The following CLASP1 variants were observed in gnomAD, a reference collection of about 807,000 sequenced individuals.
The protein encoded by CLASP1 is CLIP-associating protein 1.
CLASP1 carries 38 observed loss-of-function variants against 192.3 expected under a neutral mutation model. The ratio of observed to expected loss-of-function variants is 0.20; its 90% CI spans 0.15 to 0.26. The LOEUF (loss-of-function observed/expected upper bound fraction) is 0.26. Among genes scored for constraint, CLASP1 ranks in the 10% least tolerant of loss-of-function variants. The pLI, the probability that CLASP1 is intolerant of heterozygous loss-of-function variation, is 1.00. For missense variants in CLASP1, 1,433 were observed against 1,932.5 expected (o/e 0.74, Z 4.85); for synonymous variants, 691 against 712.8 (o/e 0.97, Z 0.49).
chr2:121,379,439 G>A (rs192989788), intron 33 of CLASP1, among the ~76,000 whole-genome samples: 26 of 152,318 alleles, frequency 1.7e-4, no homozygotes, highest in African/African-American at 5.5e-4. Context: ...CAAGGGGCCA[G>A]AGGCTCCCCC....
At chr2:121,626,154 C>T (rs981240024) in intron 1 of CLASP1, among the ~76,000 whole-genome samples, 7 of 150,242 alleles carry the variant, frequency 4.7e-5, no homozygotes, top group African/African-American at 1.7e-4. Flanking sequence ...TACAGTATGA[C>T]AGCTGACATG....
At chr2:121,461,231 T>C in intron 10 of CLASP1, 38 bp from the exon 11 acceptor site, 2 of 1,136,762 alleles carry the variant, frequency 1.8e-6, no homozygotes, top group Non-Finnish European at 2.6e-6. Context: ...TATAAAAACA[T>C]GCAGAATAAA....
At chr2:121,592,127 T>C (rs975853285) in intron 2 of CLASP1, among the ~76,000 whole-genome samples, 1 of 152,204 alleles carries the variant, frequency 6.6e-6, no homozygotes, top group Non-Finnish European at 1.5e-5. Flanking sequence ...AGCTGGTGAG[T>C]TCTGTCTATA....
chr2:121,386,576 G>A (rs1461828316), intron 32 of CLASP1, among the ~76,000 whole-genome samples: 1 of 152,114 alleles, frequency 6.6e-6, no homozygotes, highest in Admixed American at 6.6e-5. Context: ...GCTTCTATAG[G>A]GCCAATATTT....
intron 6 of CLASP1, among the ~76,000 whole-genome samples, chr2:121,525,290 C>T (rs191907799): frequency 6.6e-6 from 1 of 152,236 alleles, no homozygotes; most frequent in African/African-American, 2.4e-5. Context: ...CAGCCAGCTC[C>T]TCTCCTACCC....
chr2:121,492,077 T>G (rs922376819), intron 8 of CLASP1, among the ~76,000 whole-genome samples: 1 of 152,142 alleles, frequency 6.6e-6, no homozygotes, highest in African/African-American at 2.4e-5. Context: ...TCAGCAAAAT[T>G]TAAAACCTTT....
intron 19 of CLASP1, among the ~76,000 whole-genome samples, chr2:121,434,646 AT>A (rs2082003007): frequency 6.6e-6 from 1 of 152,152 alleles, no homozygotes; most frequent in African/African-American, 2.4e-5. Context: ...CCTTTTCTGT[AT>A]TTCAATTGAC....
intron 8 of CLASP1, among the ~76,000 whole-genome samples, chr2:121,501,375 C>G (rs1425252004): frequency 6.6e-6 from 1 of 152,182 alleles, no homozygotes; most frequent in East Asian, 1.9e-4. Flanking sequence ...ACGAGTGCAC[C>G]ACTCAGATGC....
In CLASP1 at chr2:121,413,252, C is replaced by T. The variant is rs536021515; in HGVS notation, c.2321-2283G>A. 6.6e-5 allele frequency among the ~76,000 whole-genome samples: 10 copies of T among 152,136 alleles called. No individual in the cohort carries two copies. In the South Asian group the frequency reaches 2.1e-3, roughly 32 times the overall value. ...TCCAAGCCTGGGCAACAGAGTAAGACCCTGTTTCAAAAACAAAAAACAAAA... is the reference window on the plus strand; with the variant it reads ...TCCAAGCCTGGGCAACAGAGTAAGATCCTGTTTCAAAAACAAAAAACAAAA... On this transcript the variant is annotated intron_variant, in intron 23 of 39. Coordinates refer to ENST00000263710, the Ensembl canonical transcript of CLASP1.
At chr2:121,349,006 C>T (rs557324858) in intron 37 of CLASP1, among the ~76,000 whole-genome samples, 8 of 152,038 alleles carry the variant, frequency 5.3e-5, no homozygotes, top group African/African-American at 1.7e-4. Flanking sequence ...TTTGGGAGGC[C>T]GAGGTGGGCG....
chr2:121,440,640 A>T (rs1238767537), intron 19 of CLASP1, among the ~76,000 whole-genome samples: 1 of 152,220 alleles, frequency 6.6e-6, no homozygotes, highest in Non-Finnish European at 1.5e-5. Flanking sequence ...GCAGTGAGCC[A>T]TGATCATGCC....
chr2:121,451,250 T>A (rs1234536764), intron 15 of CLASP1, among the ~76,000 whole-genome samples: 1 of 152,222 alleles, frequency 6.6e-6, no homozygotes, highest in Non-Finnish European at 1.5e-5. Context: ...CTTGTGGGAT[T>A]TTTTTTAAAA....
intron 14 of CLASP1, among the ~76,000 whole-genome samples, chr2:121,454,098 G>C (rs13403769): frequency 0.12 from 18,023 of 152,026 alleles, 1,562 homozygotes; most frequent in African/African-American, 0.24. Context: ...CTCATATTTA[G>C]TGCCAAAGGC....
intron 2 of CLASP1, chr2:121,530,566 T>C (rs965740687): frequency 3.7e-6 from 2 of 540,596 alleles, no homozygotes; most frequent in African/African-American, 1.9e-5. Flanking sequence ...CAATACAGCG[T>C]AGCCAAACCC....
chr2:121,449,851 A>G (rs113316585), intron 16 of CLASP1, among the ~76,000 whole-genome samples: 1 of 152,218 alleles, frequency 6.6e-6, no homozygotes, highest in Admixed American at 6.5e-5. Flanking sequence ...AATGCAGCTA[A>G]GTAAAACCGT....
At chr2:121,481,955 C>G (rs1280736049) in intron 8 of CLASP1, among the ~76,000 whole-genome samples, 1 of 152,096 alleles carries the variant, frequency 6.6e-6, no homozygotes, top group Admixed American at 6.6e-5. Flanking sequence ...TGAGGTTTTC[C>G]TAACAGCACA....
rs1369091856 is a variant in CLASP1 at position 121,363,155 on chromosome 2, C to G, written c.4206+17G>C. 3 of 1,613,742 alleles carry G rather than the reference C, an allele frequency of 1.9e-6. No homozygotes were observed. The highest frequency in any genetic ancestry group is 2.5e-6 in the Non-Finnish European group (3 of 1,179,838). On this transcript the variant is annotated intron_variant, in intron 37 of 39. Coordinates refer to ENST00000263710, the Ensembl canonical transcript of CLASP1. Reference sequence around the variant, plus strand: ...TGACCCGTCTGTTCAGCACCCCTGGCCACATGACTGACTCACCTCCTTATG... The same window carrying G: ...TGACCCGTCTGTTCAGCACCCCTGGGCACATGACTGACTCACCTCCTTATG...
At chr2:121,609,128 G>C (rs1223034924) in intron 1 of CLASP1, among the ~76,000 whole-genome samples, 1 of 152,112 alleles carries the variant, frequency 6.6e-6, no homozygotes, top group East Asian at 1.9e-4. Context: ...TGACTCAAGA[G>C]GTCAGATTTC....
At chr2:121,452,772 C>A (rs1342685767) in intron 14 of CLASP1, among the ~76,000 whole-genome samples, 1 of 152,170 alleles carries the variant, frequency 6.6e-6, no homozygotes, top group Non-Finnish European at 1.5e-5. Context: ...GCCTAGGCGA[C>A]AGAGCGAGAC....
Sources: allele counts gnomAD v4.1 joint callset (sites outside exome capture counted in the v4.1 genomes callset), GRCh38; gene constraint gnomAD v4.1.1; transcripts MANE v1.5; gene names NCBI Gene and HGNC (gene_info 2026-07-23, HGNC 2026-07-21).